AXIN1: variants seen among roughly 807,000 people sequenced by gnomAD.
The protein encoded by AXIN1 is axin 1.
A neutral mutation model predicts 76.4 loss-of-function variants in AXIN1; 30 were observed. That is an observed-to-expected ratio of 0.39 (90% CI 0.29 to 0.53). The LOEUF (loss-of-function observed/expected upper bound fraction) is 0.53. Among genes scored for constraint, AXIN1 ranks in the 20% least tolerant of loss-of-function variants. The pLI is 0.66. For synonymous variants in AXIN1, 545 were observed against 501.4 expected (o/e 1.09, Z -1.16); for missense variants, 1,140 against 1,198.8 (o/e 0.95, Z 0.72).
chr16:289,223 T>C (rs1489882224), intron 10 of AXIN1, among the ~76,000 whole-genome samples: 1 of 152,050 alleles, frequency 6.6e-6, no homozygotes, highest in Admixed American at 6.5e-5. Flanking sequence ...GTAGCACACC[T>C]GGCTAATTTC....
chr16:350,621 C>T (rs183419907), intron 1 of AXIN1, among the ~76,000 whole-genome samples: 224 of 152,308 alleles, frequency 1.5e-3, no homozygotes, highest in African/African-American at 5.1e-3. Context: ...ATCTTCCCAG[C>T]TGTCCATTGA....
chr16:297,983 C>G lies in AXIN1; in HGVS notation c.1523G>C (p.Gly508Ala). Reference protein sequence around the residue: ...HVAKMPVALGGAASGHGKHVP... With the variant: ...HVAKMPVALGAAASGHGKHVP... The stretch of plus-strand genomic sequence containing the variant: ...GTGCTTCCCGTGCCCCGAGGCGGCA[C>G]CCCCCAGTGCCACTGGCATCTTGGC... Residue 508 changes from glycine (G) to alanine (A), a missense_variant, in exon 6 of 11, where the codon GGT becomes GCT. By Grantham distance (60) the Gly-to-Ala change is moderately conservative. Coordinates refer to ENST00000262320, the MANE Select transcript of AXIN1 (RefSeq NM_003502.4). 6.3e-7 allele frequency: 1 copy of G among 1,599,560 alleles called. No homozygotes were observed. The highest frequency in any genetic ancestry group is 8.5e-7 in the Non-Finnish European group (1 of 1,176,906).
intron 2 of AXIN1, among the ~76,000 whole-genome samples, chr16:320,928 C>T (rs901436415): frequency 3.3e-5 from 5 of 151,802 alleles, no homozygotes; most frequent in Non-Finnish European, 5.9e-5. Flanking sequence ...TTAGTAGAGA[C>T]AAGGTTTCGC....
chr16:306,555 G>C (rs980645434), intron 4 of AXIN1, among the ~76,000 whole-genome samples: 4 of 152,202 alleles, frequency 2.6e-5, no homozygotes, highest in African/African-American at 9.6e-5. Flanking sequence ...TCTACACAAT[G>C]AGAGTAGAAA....
At chr16:294,648 A>C (rs2052658424) in intron 7 of AXIN1, among the ~76,000 whole-genome samples, 1 of 144,142 alleles carries the variant, frequency 6.9e-6, no homozygotes, top group African/African-American at 2.6e-5. Flanking sequence ...CCAGCTACTC[A>C]GGTGGGTTAG....
intron 4 of AXIN1, among the ~76,000 whole-genome samples, chr16:306,875 G>C (rs944041767): frequency 1.3e-5 from 2 of 152,246 alleles, no homozygotes; most frequent in Non-Finnish European, 2.9e-5. Context: ...GCTGGGGCTG[G>C]CACCAGCAGG....
intron 9 of AXIN1, 181 bp downstream of exon 9, chr16:291,009 A>G: frequency 3.0e-6 from 2 of 669,776 alleles, no homozygotes; most frequent in Non-Finnish European, 5.4e-6. Flanking sequence ...CCTTTGATGG[A>G]GACAGGAGAA....
chr16:287,874 C>G lies in AXIN1; in HGVS notation c.*248G>C, dbSNP rs2052426502. On this transcript the variant is annotated 3_prime_UTR_variant, in exon 11 of 11. Transcript: ENST00000262320. ...GGCAGCAGGGACCTCGGCTGCCTCACTTGGGCTGGGCCCTCCAAGTATTGC... is the reference window on the plus strand; with the variant it reads ...GGCAGCAGGGACCTCGGCTGCCTCAGTTGGGCTGGGCCCTCCAAGTATTGC... 1.7e-6 allele frequency: 1 copy of G among 605,652 alleles called. No individual in the cohort carries two copies. The highest frequency in any genetic ancestry group is 2.9e-6 in the Non-Finnish European group (1 of 345,946). The allele number at this position is 605,652 out of a possible 1,614,324, so 37.5% of individuals were successfully genotyped here. A position where few individuals can be genotyped will look rare whatever the true frequency, so the allele number is the denominator to read the frequency against.
chr16:308,838 G>A (rs986712359), intron 4 of AXIN1, among the ~76,000 whole-genome samples: 7 of 152,328 alleles, frequency 4.6e-5, no homozygotes, highest in Admixed American at 2.6e-4. Flanking sequence ...TGAGTCAAGG[G>A]TTGGCTGGCA....
chr16:301,448 C>T (rs2052870311), intron 5 of AXIN1, among the ~76,000 whole-genome samples: 1 of 152,058 alleles, frequency 6.6e-6, no homozygotes, highest in South Asian at 2.1e-4. Flanking sequence ...TTGAGAGTCA[C>T]AGGTGAGAGC....
intron 2 of AXIN1, among the ~76,000 whole-genome samples, chr16:318,669 G>GTGCATGCGCCTATGGA (rs1555481438): frequency 1.3e-5 from 2 of 152,238 alleles, no homozygotes; most frequent in Non-Finnish European, 2.9e-5. Flanking sequence ...GTGCCTGCCT[G>GTGCATGCGCCTATGGA]TGCGTGCGCC....
chr16:293,864 G>A lies in AXIN1; in HGVS notation c.1956-146C>T, dbSNP rs979600906. 6 of 775,610 alleles carry A rather than the reference G, an allele frequency of 7.7e-6. No homozygotes were observed. The highest frequency in any genetic ancestry group is 5.2e-5 in the East Asian group (2 of 38,822). 48.0% of individuals were successfully genotyped at this position (775,610 alleles called of 1,614,324 possible). A position where few individuals can be genotyped will look rare whatever the true frequency, so the allele number is the denominator to read the frequency against. ...GGCCTGGCCACCAAGCCACATGGAC[G>A]TCCTCCACAGACCACACAATAAAAA... On this transcript the variant is annotated intron_variant, in intron 7 of 10. Coordinates refer to ENST00000262320, the MANE Select transcript of AXIN1 (RefSeq NM_003502.4). The surrounding 1 kb of genome is among the most constrained non-coding windows in gnomAD (Gnocchi z 4.6).
intron 2 of AXIN1, among the ~76,000 whole-genome samples, chr16:336,949 AC>A (rs2053817862): frequency 6.6e-6 from 1 of 151,846 alleles, no homozygotes; most frequent in African/African-American, 2.4e-5. Context: ...GGAGATGGAG[AC>A]CATGATGGCT....
At position 298,012 on chromosome 16, in the gene AXIN1, G is replaced by A. The variant is rs573625935; in HGVS notation, c.1494C>T (p.His498=). The A allele has an allele frequency of 3.1e-5, 49 of 1,597,440 alleles. No homozygotes were observed. Among genetic ancestry groups the A allele is most frequent in the Middle Eastern group, 3.3e-4 (2 of 6,050 alleles). The stretch of plus-strand genomic sequence containing the variant: ...CCAGTGCCACTGGCATCTTGGCCAC[G>A]TGCCCACTGTCCGGGGAGCGATGGC... ...GPGHRSPDSG[H]VAKMPVALGG... is the part of the protein sequence containing the mutation. The change falls in exon 6 of 11, where the codon CAC becomes CAT. Residue 498 remains histidine (H), a synonymous_variant. Transcript: ENST00000262320.
At chr16:337,641 C>T (rs2053834064) in intron 2 of AXIN1, among the ~76,000 whole-genome samples, 1 of 152,232 alleles carries the variant, frequency 6.6e-6, no homozygotes, top group Non-Finnish European at 1.5e-5. Flanking sequence ...CCCAGCTACC[C>T]GGCCACCTGG....
chr16:336,169 A>G (rs991886168), intron 2 of AXIN1, among the ~76,000 whole-genome samples: 1 of 152,150 alleles, frequency 6.6e-6, no homozygotes, highest in African/African-American at 2.4e-5. Context: ...CAGGAGGCGG[A>G]GGTTGCAGTA....
At chr16:305,847 CT>C in intron 4 of AXIN1, among the ~76,000 whole-genome samples, 1 of 152,138 alleles carries the variant, frequency 6.6e-6, no homozygotes, top group African/African-American at 2.4e-5. Context: ...CCCGGCCCCC[CT>C]ATAGCTTTTT....
chr16:327,345 G>A (rs753667809), intron 2 of AXIN1, among the ~76,000 whole-genome samples: 1 of 152,122 alleles, frequency 6.6e-6, no homozygotes, highest in African/African-American at 2.4e-5. Flanking sequence ...GTGATTTCTC[G>A]GTCACTCAGG....
At position 346,550 on chromosome 16, in the gene AXIN1, T is replaced by C. The variant is rs1339068191; in HGVS notation, c.476A>G (p.Gln159Arg). 6.2e-7 allele frequency: 1 copy of C among 1,614,076 alleles called. No homozygotes were observed. The highest frequency in any genetic ancestry group is 2.2e-5 in the East Asian group (1 of 44,878). Reference sequence around the variant, plus strand: ...GAAGCTCTTGGTGGCTGGCTTGGTCTGCCGGGACACGATGCCATTGTTATC... The same window carrying C: ...GAAGCTCTTGGTGGCTGGCTTGGTCCGCCGGGACACGATGCCATTGTTATC... ...ILDNNGIVSR[Q>R]TKPATKSFIK... The change falls in exon 2 of 11, where the codon CAG (glutamine) becomes CGG (arginine). Residue 159 changes from glutamine (Q) to arginine (R), a missense_variant. By Grantham distance (43) the Gln-to-Arg change is conservative. This residue lies in a region of AXIN1 where 708 missense variants were observed against 776.9 expected (regional missense o/e 0.91). Coordinates refer to ENST00000262320, the MANE Select transcript of AXIN1 (RefSeq NM_003502.4).
Sources: gnomAD v4.1 joint callset for allele counts (sites outside exome capture counted in the v4.1 genomes callset) on GRCh38, gnomAD v4.1.1 for gene constraint, gnomAD v4.1.1 regional missense constraint, Gnocchi (gnomAD v3.1) non-coding constraint, MANE v1.5 for transcripts, NCBI Gene and HGNC (gene_info 2026-07-23, HGNC 2026-07-21) for gene names.